HTR1F: variants seen among roughly 807,000 people sequenced by gnomAD.
HTR1F encodes the protein 5-hydroxytryptamine (serotonin) receptor 1F, G protein-coupled.
HTR1F carries 17 observed loss-of-function variants against 24.0 expected under a neutral mutation model. The ratio of observed to expected loss-of-function variants is 0.71; its 90% CI spans 0.48 to 1.06. The LOEUF (loss-of-function observed/expected upper bound fraction) is 1.06. HTR1F is among the 50% of genes least tolerant of loss of function. The probability of loss-of-function intolerance (pLI) is 0.00; values close to 1 mark genes in which losing one functional copy is unlikely to be tolerated. For synonymous variants in HTR1F, 186 were observed against 156.8 expected, an observed-to-expected ratio of 1.19 and a Z score of -1.39; for missense variants, 391 against 427.8, an observed-to-expected ratio of 0.91 and a Z score of 0.76.
intron 2 of HTR1F, among the ~76,000 whole-genome samples, chr3:87,897,693 T>C (rs2107319066): frequency 6.6e-6 from 1 of 152,204 alleles, no homozygotes; most frequent in Admixed American, 6.6e-5. Flanking sequence ...CTGCCTCTCC[T>C]TGAAAGCACA....
intron 2 of HTR1F, among the ~76,000 whole-genome samples, chr3:87,940,659 C>G (rs532552081): frequency 6.6e-6 from 1 of 152,230 alleles, no homozygotes; most frequent in Non-Finnish European, 1.5e-5. Context: ...AAAAAGAGCC[C>G]ATATAGCCAA....
At chr3:87,890,162 A>G (rs1285922076) in intron 2 of HTR1F, among the ~76,000 whole-genome samples, 1 of 152,220 alleles carries the variant, frequency 6.6e-6, no homozygotes, top group African/African-American at 2.4e-5. Context: ...CACAAGCTGC[A>G]TGTCATTGAT....
chr3:87,917,479 G>T (rs1703920058), intron 2 of HTR1F, among the ~76,000 whole-genome samples: 1 of 150,524 alleles, frequency 6.6e-6, no homozygotes. Flanking sequence ...GACTAACCAA[G>T]AAAAGAAGAG....
At chr3:87,953,446 T>C (rs1704878021) in intron 2 of HTR1F, among the ~76,000 whole-genome samples, 1 of 151,290 alleles carries the variant, frequency 6.6e-6, no homozygotes. Context: ...TATGAAAAAC[T>C]GCTAAACTTT....
At chr3:87,794,012 A>C (rs542265628) in intron 1 of HTR1F, among the ~76,000 whole-genome samples, 1 of 152,044 alleles carries the variant, frequency 6.6e-6, no homozygotes, top group African/African-American at 2.4e-5. Flanking sequence ...AAACAGTACA[A>C]ATTTTAAAAC....
intron 2 of HTR1F, among the ~76,000 whole-genome samples, chr3:87,960,323 T>C (rs1705034001): frequency 6.6e-6 from 1 of 152,018 alleles, no homozygotes; most frequent in South Asian, 2.1e-4. Flanking sequence ...GAAGTGGTCA[T>C]TGTAAGTATC....
chr3:87,891,527 C>T (rs143770385), intron 2 of HTR1F, among the ~76,000 whole-genome samples: 1 of 152,122 alleles, frequency 6.6e-6, no homozygotes, highest in Admixed American at 6.6e-5. Context: ...TTTCTTATAA[C>T]AATGGAACTT....
At chr3:87,915,852 C>A (rs1703880612) in intron 2 of HTR1F, among the ~76,000 whole-genome samples, 2 of 152,134 alleles carry the variant, frequency 1.3e-5, no homozygotes, top group Admixed American at 1.3e-4. Flanking sequence ...AAGAAGCACA[C>A]AGAACACCTG....
chr3:87,823,658 G>C (rs936679404), intron 2 of HTR1F, among the ~76,000 whole-genome samples: 23 of 151,678 alleles, frequency 1.5e-4, no homozygotes, highest in African/African-American at 5.1e-4. Context: ...GGGACTACAG[G>C]CATCAGGCGT....
chr3:87,937,020 A>C (rs1179696796), intron 2 of HTR1F, among the ~76,000 whole-genome samples: 1 of 151,046 alleles, frequency 6.6e-6, no homozygotes, highest in Non-Finnish European at 1.5e-5. Context: ...AACCGGATAG[A>C]TCCATAGCCA....
chr3:87,812,019 A>G (rs1030413881), intron 1 of HTR1F, among the ~76,000 whole-genome samples: 16 of 152,166 alleles, frequency 1.1e-4, no homozygotes, highest in African/African-American at 3.6e-4. Context: ...CCCTTCTGCC[A>G]TGATTGTGCG....
intron 2 of HTR1F, among the ~76,000 whole-genome samples, chr3:87,893,305 T>G (rs1287709496): frequency 1.3e-5 from 2 of 152,226 alleles, no homozygotes; most frequent in Non-Finnish European, 2.9e-5. Context: ...GCATTAATTC[T>G]AGTACATGTA....
intron 2 of HTR1F, among the ~76,000 whole-genome samples, chr3:87,849,949 C>A (rs149179423): frequency 4.3e-4 from 65 of 151,730 alleles, no homozygotes; most frequent in Admixed American, 4.1e-3. Context: ...ATTAAAAAGT[C>A]AGGAAACAAC....
intron 2 of HTR1F, among the ~76,000 whole-genome samples, chr3:87,940,270 G>C (rs966540286): frequency 4.6e-5 from 7 of 152,258 alleles, no homozygotes; most frequent in Non-Finnish European, 7.4e-5. Flanking sequence ...TTGCTGAGGA[G>C]TGTTTTAAAG....
chr3:87,900,055 GAAGT>G (rs1451610544), intron 2 of HTR1F, among the ~76,000 whole-genome samples: 14 of 151,270 alleles, frequency 9.3e-5, no homozygotes, highest in African/African-American at 2.9e-4. Flanking sequence ...TAAAGAAAAG[GAAGT>G]AAGGAGGCAT....
In HTR1F at chr3:87,866,896, G is replaced by A. The variant is rs138499592; in HGVS notation, c.-43+44772G>A. Among the ~76,000 whole-genome samples, 585 of 150,846 alleles carry A rather than the reference G, an allele frequency of 3.9e-3. 8 individuals are homozygous for A. The highest frequency in any genetic ancestry group is 0.014 in the African/African-American group (563 of 41,168). On this transcript the variant is annotated intron_variant, in intron 2 of 2. Coordinates refer to ENST00000319595, the MANE Select transcript of HTR1F (RefSeq NM_001322209.2). ...GTTAAGGTGGAAGAAAAGGTGTGTA[G>A]TACCACTTTTTTACATTTCTTTATG...
chr3:87,966,478 G>A (rs1705165339), intron 2 of HTR1F, among the ~76,000 whole-genome samples: 1 of 152,172 alleles, frequency 6.6e-6, no homozygotes, highest in African/African-American at 2.4e-5. Flanking sequence ...TCTGTTGCAT[G>A]TTAAACTTCA....
At chr3:87,948,127 T>C (rs1410527276) in intron 2 of HTR1F, among the ~76,000 whole-genome samples, 3 of 152,162 alleles carry the variant, frequency 2.0e-5, no homozygotes, top group African/African-American at 7.2e-5. Flanking sequence ...AAAAGTAAAG[T>C]AAAATAAAGT....
chr3:87,793,946 A>C (rs1703859219), intron 1 of HTR1F, among the ~76,000 whole-genome samples: 1 of 147,562 alleles, frequency 6.8e-6, no homozygotes, highest in African/African-American at 2.5e-5. Context: ...CAATTTGATT[A>C]AATTTTAGTG....
Sources: allele counts gnomAD v4.1 joint callset (sites outside exome capture counted in the v4.1 genomes callset), GRCh38; gene constraint gnomAD v4.1.1; transcripts MANE v1.5; gene names NCBI Gene and HGNC (gene_info 2026-07-23, HGNC 2026-07-21).